The following GPR137C variants were observed in gnomAD, a reference collection of about 807,000 sequenced individuals.
GPR137C encodes the protein integral membrane protein GPR137C.
GPR137C carries 27 observed loss-of-function variants against 43.4 expected under a neutral mutation model. The observed-to-expected ratio is 0.62, with a 90% confidence interval of 0.46 to 0.86. GPR137C has a LOEUF of 0.86. Ranked by LOEUF, GPR137C falls within the 40% of genes least tolerant of loss-of-function variation. The probability of loss-of-function intolerance (pLI) is 0.00; values close to 1 mark genes in which losing one functional copy is unlikely to be tolerated. For missense variants in GPR137C, 522 were observed against 534.6 expected, an observed-to-expected ratio of 0.98 and a Z score of 0.23; for synonymous variants, 285 against 226.9, an observed-to-expected ratio of 1.26 and a Z score of -2.30.
intron 1 of GPR137C, among the ~76,000 whole-genome samples, chr14:52,557,558 T>G (rs1170382871): frequency 3.3e-5 from 5 of 152,238 alleles, no homozygotes; most frequent in Non-Finnish European, 7.3e-5. Context: ...GACTATAAAC[T>G]GTTTTTGTCT....
At chr14:52,559,394 A>G (rs2038244960) in intron 1 of GPR137C, among the ~76,000 whole-genome samples, 1 of 141,170 alleles carries the variant, frequency 7.1e-6, no homozygotes, top group Non-Finnish European at 1.5e-5. Flanking sequence ...AACAAAAACA[A>G]AAAACCTTCA....
intron 1 of GPR137C, among the ~76,000 whole-genome samples, chr14:52,589,148 A>G (rs1471373156): frequency 1.3e-5 from 2 of 152,220 alleles, no homozygotes; most frequent in Non-Finnish European, 2.9e-5. Context: ...TATTGTATGA[A>G]TCTACTTATA....
chr14:52,566,306 T>G (rs564278590), intron 1 of GPR137C, among the ~76,000 whole-genome samples: 1 of 152,326 alleles, frequency 6.6e-6, no homozygotes, highest in Admixed American at 6.5e-5. Context: ...AGCTTAAATA[T>G]TTTCTTAAAA....
chr14:52,565,613 T>TTGGAG (rs2139446325), intron 1 of GPR137C, among the ~76,000 whole-genome samples: 1 of 152,322 alleles, frequency 6.6e-6, no homozygotes, highest in African/African-American at 2.4e-5. Flanking sequence ...TGGTCAGTGC[T>TTGGAG]TAATGACTTG....
intron 1 of GPR137C, among the ~76,000 whole-genome samples, chr14:52,578,931 C>T (rs1232786655): frequency 2.7e-5 from 4 of 148,996 alleles, no homozygotes; most frequent in African/African-American, 5.0e-5. Context: ...TCAACAAGAG[C>T]GAGACTCCGT....
chr14:52,630,200 C>A (rs76961918), intron 3 of GPR137C, among the ~76,000 whole-genome samples: 1,973 of 152,154 alleles, frequency 0.013, 32 homozygotes, highest in Admixed American at 0.038. Flanking sequence ...GGCATTATTG[C>A]TTCTTTGCTC....
At position 52,600,194 on chromosome 14, in the gene GPR137C, A is replaced by G. The variant is rs1398745447; in HGVS notation, c.570A>G (p.Gly190=). The G allele has an allele frequency of 1.2e-6, 2 of 1,613,858 alleles. No homozygotes were observed. Among genetic ancestry groups the G allele is most frequent in the African/African-American group, 2.7e-5 (2 of 75,030 alleles). Residue 190 remains glycine, a synonymous_variant, in exon 3 of 7, where the codon GGA becomes GGG. Coordinates refer to ENST00000321662, the MANE Select transcript of GPR137C (RefSeq NM_001099652.2). Reference sequence around the variant, plus strand: ...TGACTTGCGCAATGCTAGTTCATGGAGATGTCCCAGAAAATCAGTTGAAGT... The same window carrying G: ...TGACTTGCGCAATGCTAGTTCATGGGGATGTCCCAGAAAATCAGTTGAAGT... ...VNLTCAMLVH[G]DVPENQLKWT... is the part of the protein sequence containing the mutation.
chr14:52,582,194 T>G (rs1201218112), intron 1 of GPR137C, among the ~76,000 whole-genome samples: 4 of 152,190 alleles, frequency 2.6e-5, no homozygotes, highest in Non-Finnish European at 5.9e-5. Context: ...TCCTCACATG[T>G]TGTAAGAGGT....
intron 3 of GPR137C, among the ~76,000 whole-genome samples, chr14:52,607,470 G>A (rs1566619581): frequency 6.6e-6 from 1 of 152,058 alleles, no homozygotes; most frequent in Non-Finnish European, 1.5e-5. Context: ...ATATATTTGG[G>A]TGTTCTTGGT....
chr14:52,596,710 C>T (rs1228070002), intron 1 of GPR137C, among the ~76,000 whole-genome samples: 1 of 152,192 alleles, frequency 6.6e-6, no homozygotes, highest in Non-Finnish European at 1.5e-5. Context: ...GTGTACCATT[C>T]CTCCAGGTAC....
chr14:52,553,730 C>T, intron 1 of GPR137C, 139 bp downstream of exon 1: 2 of 729,558 alleles, frequency 2.7e-6, no homozygotes, highest in Non-Finnish European at 4.4e-6. Flanking sequence ...CTGAGGCACA[C>T]CTGGAGTGTG....
intron 3 of GPR137C, among the ~76,000 whole-genome samples, chr14:52,626,658 A>C (rs2039230730): frequency 6.6e-6 from 1 of 152,202 alleles, no homozygotes; most frequent in African/African-American, 2.4e-5. Context: ...TACAAAAGGT[A>C]AACAATGGGA....
intron 1 of GPR137C, among the ~76,000 whole-genome samples, chr14:52,568,608 G>T (rs1199171903): frequency 1.3e-5 from 2 of 152,174 alleles, no homozygotes; most frequent in African/African-American, 4.8e-5. Context: ...GCTTGGTGGG[G>T]GGAGGGGGCA....
rs192063499 is a variant in GPR137C, at chr14:52,609,183, C to G, written c.717+8842C>G. Among the ~76,000 whole-genome samples, 27 of 152,176 alleles carry G rather than the reference C, an allele frequency of 1.8e-4. No homozygotes were observed. In the East Asian group the frequency reaches 5.2e-3, roughly 29 times the overall value. ...CAAGCTCACTGATTGTTCTGTTTAACCAATTCTGCTGTTGCTCCCTATTAC... is the reference window on the plus strand; with the variant it reads ...CAAGCTCACTGATTGTTCTGTTTAAGCAATTCTGCTGTTGCTCCCTATTAC... On this transcript the variant is annotated intron_variant, in intron 3 of 6. Transcript: ENST00000321662.
chr14:52,556,841 G>A (rs1388754832), intron 1 of GPR137C, among the ~76,000 whole-genome samples: 1 of 151,772 alleles, frequency 6.6e-6, no homozygotes, highest in Non-Finnish European at 1.5e-5. Flanking sequence ...TGTGATGCAT[G>A]CCAAAATCAA....
intron 3 of GPR137C, among the ~76,000 whole-genome samples, chr14:52,608,204 G>A (rs1361578830): frequency 6.6e-6 from 1 of 151,848 alleles, no homozygotes; most frequent in African/African-American, 2.4e-5. Flanking sequence ...TTCTTTTGTG[G>A]TTAAGTGATT....
At chr14:52,567,044 T>C (rs1594781890) in intron 1 of GPR137C, among the ~76,000 whole-genome samples, 1 of 151,718 alleles carries the variant, frequency 6.6e-6, no homozygotes, top group South Asian at 2.1e-4. Context: ...ACCCGGGAGG[T>C]GGAGGTTGCA....
At position 52,593,442 on chromosome 14, in the gene GPR137C, T is replaced by C. The variant is rs1433488080; in HGVS notation, c.445-4830T>C. Among the ~76,000 whole-genome samples, 3 of 152,230 alleles carry C rather than the reference T, an allele frequency of 2.0e-5. No individual in the cohort carries two copies. The East Asian group carries it at 5.8e-4, about 29-fold the overall frequency. On this transcript the variant is annotated intron_variant, in intron 1 of 6. Transcript: ENST00000321662. Reference sequence around the variant, plus strand: ...CTTTGTACCTCTGGTAGAATTCGGCTGTGAATCCATCTGGTCCTGGACGTT... The same window carrying C: ...CTTTGTACCTCTGGTAGAATTCGGCCGTGAATCCATCTGGTCCTGGACGTT...
At chr14:52,572,434 T>G (rs1168536698) in intron 1 of GPR137C, among the ~76,000 whole-genome samples, 1 of 152,254 alleles carries the variant, frequency 6.6e-6, no homozygotes, top group Non-Finnish European at 1.5e-5. Context: ...AATGCAAGGC[T>G]GGTTCAACAT....
Sources: gnomAD v4.1 joint callset for allele counts (sites outside exome capture counted in the v4.1 genomes callset) on GRCh38, gnomAD v4.1.1 for gene constraint, MANE v1.5 for transcripts, NCBI Gene and HGNC (gene_info 2026-07-23, HGNC 2026-07-21) for gene names.